Variants in MSRA observed in about 807,000 individuals in gnomAD.
MSRA encodes the protein mitochondrial peptide methionine sulfoxide reductase.
In MSRA, 54 loss-of-function variants were observed where a neutral mutation model predicts 31.3. The ratio of observed to expected loss-of-function variants is 1.73; its 90% confidence interval spans 1.39 to 2.17. MSRA has a LOEUF of 2.17. Among genes scored for constraint, MSRA ranks in the 30% most tolerant of loss-of-function variants. The pLI, the probability that MSRA is intolerant of heterozygous loss-of-function variation, is 0.00. For synonymous variants in MSRA, 169 were observed against 116.5 expected (o/e 1.45, Z -2.90); for missense variants, 507 against 300.9 (o/e 1.69, Z -5.07).
At chr8:10,163,276 A>G (rs1804825396) in intron 1 of MSRA, among the ~76,000 whole-genome samples, 1 of 152,186 alleles carries the variant, frequency 6.6e-6, no homozygotes, top group African/African-American at 2.4e-5. Flanking sequence ...GACTCAGACC[A>G]CGCTGTAGGA....
intron 1 of MSRA, among the ~76,000 whole-genome samples, chr8:10,063,578 AGGAGGTGGGGGCTTTG>A (rs1563387983): frequency 6.6e-6 from 1 of 152,156 alleles, no homozygotes; most frequent in African/African-American, 2.4e-5. Flanking sequence ...ATGGGGGATT[AGGAGGTGGGGGCTTTG>A]GGAGGTGATT....
intron 5 of MSRA, among the ~76,000 whole-genome samples, chr8:10,371,094 TC>T (rs1370250046): frequency 1.3e-5 from 2 of 152,274 alleles, no homozygotes; most frequent in African/African-American, 4.8e-5. Context: ...CCTGCCGCAA[TC>T]CCGATGAAGG....
At chr8:10,158,933 A>G (rs548321295) in intron 1 of MSRA, among the ~76,000 whole-genome samples, 1 of 152,288 alleles carries the variant, frequency 6.6e-6, no homozygotes, top group South Asian at 2.1e-4. Context: ...TGCGTGTGAA[A>G]TGTTATCTCA....
intron 1 of MSRA, among the ~76,000 whole-genome samples, chr8:10,197,737 C>T (rs989083564): frequency 6.6e-6 from 1 of 152,126 alleles, no homozygotes; most frequent in Admixed American, 6.5e-5. Flanking sequence ...GCTCAGAAGC[C>T]CTCTCCAAGA....
chr8:10,336,662 CT>C (rs1240639055), intron 5 of MSRA: 1 of 152,060 alleles, frequency 6.6e-6, no homozygotes, highest in Non-Finnish European at 1.5e-5. Flanking sequence ...TCTGTGTAGC[CT>C]TTTGATGTAG....
chr8:10,225,900 A>C (rs1810959071), intron 2 of MSRA, among the ~76,000 whole-genome samples: 1 of 152,248 alleles, frequency 6.6e-6, no homozygotes, highest in South Asian at 2.1e-4. Flanking sequence ...TAGGAAAGTG[A>C]CAGAGGAAGT....
intron 1 of MSRA, among the ~76,000 whole-genome samples, chr8:10,154,281 GGC>G (rs1803959946): frequency 1.1e-5 from 1 of 92,696 alleles, no homozygotes; most frequent in South Asian, 4.2e-4. Flanking sequence ...GTTACGGCAG[GGC>G]AGGGGTGCTA....
At chr8:10,233,606 G>A (rs765637989) in intron 2 of MSRA, among the ~76,000 whole-genome samples, 1 of 152,186 alleles carries the variant, frequency 6.6e-6, no homozygotes, top group Non-Finnish European at 1.5e-5. Flanking sequence ...CTTAGTTAAT[G>A]TTTTAGTGAA....
chr8:10,128,328 G>T (rs1353838356), intron 1 of MSRA, among the ~76,000 whole-genome samples: 1 of 151,674 alleles, frequency 6.6e-6, no homozygotes, highest in Non-Finnish European at 1.5e-5. Context: ...GCCCTGAGCC[G>T]AGATTGCACC....
intron 1 of MSRA, among the ~76,000 whole-genome samples, chr8:10,160,236 C>T (rs1804514449): frequency 6.6e-6 from 1 of 152,084 alleles, no homozygotes; most frequent in Admixed American, 6.5e-5. Context: ...CAGTGGCTCA[C>T]ACCTGCTCAG....
At chr8:10,128,567 A>C (rs568636552) in intron 1 of MSRA, among the ~76,000 whole-genome samples, 4 of 152,212 alleles carry the variant, frequency 2.6e-5, no homozygotes, top group Non-Finnish European at 5.9e-5. Flanking sequence ...GTGTAGGCTC[A>C]CTAGTAGCCC....
intron 5 of MSRA, among the ~76,000 whole-genome samples, chr8:10,354,617 A>G (rs1459717063): frequency 6.6e-6 from 1 of 152,078 alleles, no homozygotes. Context: ...GGTCAGTAAA[A>G]TCAGATTAGA....
chr8:10,341,706 T>C (rs183552631), intron 5 of MSRA, among the ~76,000 whole-genome samples: 4 of 152,268 alleles, frequency 2.6e-5, no homozygotes, highest in African/African-American at 9.6e-5. Flanking sequence ...ATCTATAAAA[T>C]GTAGCTAATC....
intron 3 of MSRA, among the ~76,000 whole-genome samples, chr8:10,267,469 A>G (rs566094249): frequency 6.6e-6 from 1 of 152,226 alleles, no homozygotes; most frequent in Non-Finnish European, 1.5e-5. Flanking sequence ...TTCCAGGAGT[A>G]GGAGTCCTTA....
chr8:10,250,343 A>G, intron 3 of MSRA: 1 of 689,234 alleles, frequency 1.5e-6, no homozygotes, highest in Non-Finnish European at 2.6e-6. Flanking sequence ...CATTAGCCTA[A>G]TATACAAATA....
chr8:10,225,425 A>G (rs17693186), intron 2 of MSRA, among the ~76,000 whole-genome samples: 2,254 of 152,298 alleles, frequency 0.015, 35 homozygotes, highest in Middle Eastern at 0.037. Context: ...GTCTTGGATT[A>G]CTTGGGGCCT....
intron 4 of MSRA, among the ~76,000 whole-genome samples, chr8:10,305,644 C>G (rs1052604922): frequency 6.6e-6 from 1 of 152,186 alleles, no homozygotes; most frequent in Non-Finnish European, 1.5e-5. Flanking sequence ...AAACTCCTGA[C>G]CTCATGATTC....
At chr8:10,116,304 G>C (rs1800672870) in intron 1 of MSRA, among the ~76,000 whole-genome samples, 1 of 152,128 alleles carries the variant, frequency 6.6e-6, no homozygotes, top group Admixed American at 6.5e-5. Flanking sequence ...TATTTTATAT[G>C]TGGCCCAAGG....
chr8:10,277,266 A>G (rs1289669696), intron 3 of MSRA, among the ~76,000 whole-genome samples: 2 of 152,214 alleles, frequency 1.3e-5, no homozygotes, highest in Non-Finnish European at 2.9e-5. Flanking sequence ...GTACATGTCC[A>G]GGTATTTTTC....
Sources: gnomAD v4.1 joint callset for allele counts (sites outside exome capture counted in the v4.1 genomes callset) on GRCh38, gnomAD v4.1.1 for gene constraint, MANE v1.5 for transcripts, NCBI Gene and HGNC (gene_info 2026-07-23, HGNC 2026-07-21) for gene names.